DGLUCY: variants seen among roughly 807,000 people sequenced by gnomAD.
DGLUCY encodes the protein D-glutamate cyclase, mitochondrial.
DGLUCY carries 58 observed loss-of-function variants against 58.5 expected under a neutral mutation model. The observed-to-expected ratio is 0.99, with a 90% confidence interval of 0.80 to 1.23. The LOEUF (loss-of-function observed/expected upper bound fraction) is 1.23, where lower values mean the gene tolerates loss of function less well. Ranked by LOEUF, DGLUCY falls within the 50% of genes most tolerant of loss-of-function variation. The pLI is 0.00. For missense variants in DGLUCY, 779 were observed against 784.7 expected (o/e 0.99, Z 0.09); for synonymous variants, 325 against 314.1 (o/e 1.03, Z -0.37).
rs556617649 is a variant in DGLUCY at position 91,176,109 on chromosome 14, G to A, written c.730+53G>A. The A allele has an allele frequency of 1.2e-5, 19 of 1,588,616 alleles. No homozygotes were observed. The African/African-American group carries it at 2.6e-4, about 21-fold the overall frequency. ...ATCTGCCCTAGGATGGAGCCCAGTGGGGTCTAGTTCTTGAAAGCATATTCT... is the reference window on the plus strand; with the variant it reads ...ATCTGCCCTAGGATGGAGCCCAGTGAGGTCTAGTTCTTGAAAGCATATTCT... On this transcript the variant is annotated intron_variant, in intron 7 of 13. Transcript: ENST00000256324.
intron 2 of DGLUCY, 29 bp from the exon 3 acceptor site, chr14:91,160,236 TA>T: frequency 7.2e-7 from 1 of 1,395,802 alleles, no homozygotes; most frequent in Non-Finnish European, 1.0e-6. Flanking sequence ...CCACACTTTC[TA>T]ATTTGTTCCC....
chr14:91,160,334 G>A lies in DGLUCY; in HGVS notation c.40G>A (p.Ala14Thr). ...CCACCTGAGGTCCCGCCTTCCCTCT[G>A]CCATAAGGAGTTTGATTCTACAAAA... ...TLHLRSRLPS[A>T]IRSLILQKKP... The change falls in exon 3 of 14, where the codon GCC (alanine) becomes ACC (threonine). Residue 14 changes from alanine to threonine, a missense_variant. Ala to Thr is a moderately conservative substitution (Grantham distance 58). Transcript: ENST00000256324. The A allele has an allele frequency of 6.2e-7, 1 of 1,609,340 alleles. No homozygotes were observed.
At chr14:91,139,029 A>G (rs1224653973) in intron 1 of DGLUCY, among the ~76,000 whole-genome samples, 1 of 152,166 alleles carries the variant, frequency 6.6e-6, no homozygotes, top group African/African-American at 2.4e-5. Flanking sequence ...AACAGAACCA[A>G]TAGGAGATAC....
At chr14:91,184,032 T>C (rs549195030) in intron 8 of DGLUCY, among the ~76,000 whole-genome samples, 1 of 151,240 alleles carries the variant, frequency 6.6e-6, no homozygotes, top group Non-Finnish European at 1.5e-5. Context: ...TTCCCCAGAG[T>C]CAGGTGGGCC....
chr14:91,224,616 A>G, intron 13 of DGLUCY, 68 bp from the exon 14 acceptor site: 1 of 1,451,348 alleles, frequency 6.9e-7, no homozygotes, highest in Non-Finnish European at 9.2e-7. Context: ...TCACTTATAA[A>G]TGTGTATAAA....
intron 1 of DGLUCY, among the ~76,000 whole-genome samples, chr14:91,134,294 C>A (rs181070520): frequency 3.3e-5 from 5 of 152,264 alleles, no homozygotes; most frequent in Admixed American, 2.6e-4. Flanking sequence ...CATGCTGTCT[C>A]TCCATTTATT....
intron 12 of DGLUCY, among the ~76,000 whole-genome samples, chr14:91,214,140 A>G (rs1796040637): frequency 6.6e-6 from 1 of 151,666 alleles, no homozygotes; most frequent in Admixed American, 6.6e-5. Context: ...TTTTCTATGA[A>G]TCTTTCCTAA....
At chr14:91,130,203 T>C (rs2045951221) in intron 1 of DGLUCY, among the ~76,000 whole-genome samples, 1 of 152,200 alleles carries the variant, frequency 6.6e-6, no homozygotes, top group Non-Finnish European at 1.5e-5. Flanking sequence ...TTCATTCTTG[T>C]CGATTTTAAT....
intron 1 of DGLUCY, among the ~76,000 whole-genome samples, chr14:91,088,803 C>T (rs1482899911): frequency 6.6e-6 from 1 of 152,226 alleles, no homozygotes; most frequent in African/African-American, 2.4e-5. Context: ...GGACGGGAGG[C>T]TGCCAACCTG....
intron 1 of DGLUCY, among the ~76,000 whole-genome samples, chr14:91,072,297 G>A (rs565370132): frequency 4.0e-5 from 6 of 150,558 alleles, no homozygotes; most frequent in South Asian, 2.1e-4. Context: ...GCACTCCAGC[G>A]TGAGCAACAG....
chr14:91,187,362 C>T (rs984918831), intron 8 of DGLUCY, among the ~76,000 whole-genome samples: 4 of 152,232 alleles, frequency 2.6e-5, no homozygotes, highest in Non-Finnish European at 5.9e-5. Flanking sequence ...CACGTCCCTT[C>T]AGTCCACTGC....
chr14:91,206,014 A>G lies in DGLUCY; in HGVS notation c.1564+1189A>G, dbSNP rs532372285. Among the ~76,000 whole-genome samples the G allele has an allele frequency of 1.1e-4, 17 of 150,570 alleles. No homozygotes were observed. The South Asian group carries it at 2.9e-3, about 26-fold the overall frequency. Reference sequence around the variant, plus strand: ...GCCACCACACCTGGATAATTTTTGTATTTTTAGTAGAGATAGGGTTTCACC... The same window carrying G: ...GCCACCACACCTGGATAATTTTTGTGTTTTTAGTAGAGATAGGGTTTCACC... On this transcript the variant is annotated intron_variant, in intron 12 of 13. Coordinates refer to ENST00000256324, the MANE Select transcript of DGLUCY (RefSeq NM_001102368.3).
At chr14:91,177,358 A>G (rs555441071) in intron 7 of DGLUCY, among the ~76,000 whole-genome samples, 2 of 152,314 alleles carry the variant, frequency 1.3e-5, no homozygotes, top group East Asian at 3.9e-4. Context: ...TAGCAGGAGG[A>G]CTAACCTTTA....
chr14:91,154,251 A>G (rs997562418), intron 1 of DGLUCY, among the ~76,000 whole-genome samples: 5 of 152,160 alleles, frequency 3.3e-5, no homozygotes, highest in African/African-American at 4.8e-5. Flanking sequence ...AAATCAATCT[A>G]TGTGTGAGAT....
chr14:91,199,942 GC>G (rs1379762203), intron 11 of DGLUCY, 37 bp downstream of exon 11: 2 of 1,611,722 alleles, frequency 1.2e-6, no homozygotes. Context: ...CAAGAACGTG[GC>G]CCCATGAAGT....
chr14:91,078,083 C>T (rs1214531071), intron 1 of DGLUCY, among the ~76,000 whole-genome samples: 2 of 152,032 alleles, frequency 1.3e-5, no homozygotes, highest in Non-Finnish European at 2.9e-5. Flanking sequence ...GGCTGGAGTA[C>T]AGGGACTCAA....
chr14:91,140,702 A>G (rs2046615993), intron 1 of DGLUCY, among the ~76,000 whole-genome samples: 1 of 152,150 alleles, frequency 6.6e-6, no homozygotes, highest in African/African-American at 2.4e-5. Flanking sequence ...AATTTATGAA[A>G]GTCAAGAGCC....
At position 91,167,207 on chromosome 14, in the gene DGLUCY, T is replaced by C. The variant is rs1206461761; in HGVS notation, c.104-18T>C. The C allele has an allele frequency of 1.3e-6, 2 of 1,563,826 alleles. No individual in the cohort carries two copies. The highest frequency in any genetic ancestry group is 2.8e-5 in the African/African-American group (2 of 71,870). On this transcript the variant is annotated intron_variant, in intron 3 of 13. Transcript: ENST00000256324. The stretch of plus-strand genomic sequence containing the variant: ...AAACCGCTGACTATACATTTTTCCC[T>C]TCTCCCACCATACCCAGAGCTCCGA...
chr14:91,179,886 C>T (rs1447911673), intron 7 of DGLUCY, among the ~76,000 whole-genome samples: 2 of 75,990 alleles, frequency 2.6e-5, no homozygotes, highest in Non-Finnish European at 4.7e-5. Context: ...ATGCTAAACA[C>T]TTTTTTTTTT....
Sources: allele counts gnomAD v4.1 joint callset (sites outside exome capture counted in the v4.1 genomes callset), GRCh38; gene constraint gnomAD v4.1.1; transcripts MANE v1.5; gene names NCBI Gene and HGNC (gene_info 2026-07-23, HGNC 2026-07-21).